Variants in PLA2R1 observed in about 807,000 individuals in gnomAD.
PLA2R1 encodes secretory phospholipase A2 receptor.
A neutral mutation model predicts 195.9 loss-of-function variants in PLA2R1; 158 were observed. That is an observed-to-expected ratio of 0.81 (90% CI 0.71 to 0.92). PLA2R1 has a LOEUF of 0.92. Among genes scored for constraint, PLA2R1 ranks in the 40% least tolerant of loss-of-function variants. PLA2R1 has a pLI of 0.00. For synonymous variants in PLA2R1, 586 were observed against 598.2 expected, an observed-to-expected ratio of 0.98 and a Z score of 0.30; for missense variants, 1,626 against 1,764.6, an observed-to-expected ratio of 0.92 and a Z score of 1.41.
chr2:159,996,985 G>T (rs994058485), intron 11 of PLA2R1, among the ~76,000 whole-genome samples: 57 of 152,198 alleles, frequency 3.7e-4, no homozygotes, highest in African/African-American at 1.3e-3. Context: ...TAGTTTAAAA[G>T]AATTGCTTGT....
Position 160,051,485 on chromosome 2 carries a change from TG to T in PLA2R1, c.110-6329del, listed in dbSNP as rs1695209690. 3.3e-5 allele frequency among the ~76,000 whole-genome samples: 5 copies of T among 152,280 alleles called. No individual in the cohort carries two copies. The South Asian group carries it at 1.0e-3, about 32-fold the overall frequency. On this transcript the variant is annotated intron_variant, in intron 1 of 29. Coordinates refer to ENST00000283243, the MANE Select transcript of PLA2R1 (RefSeq NM_007366.5). ...AGCAGGGATGCAGTCCAGAAGGAAA[TG>T]GGGAGGGCATCTCTCCTCTGTAACC...
chr2:160,031,872 T>G (rs1257468642), intron 4 of PLA2R1, among the ~76,000 whole-genome samples: 1 of 152,230 alleles, frequency 6.6e-6, no homozygotes, highest in Non-Finnish European at 1.5e-5. Context: ...GTTCAAGTGA[T>G]TCTCCTGCCT....
intron 10 of PLA2R1, among the ~76,000 whole-genome samples, chr2:160,012,275 C>T (rs1354869957): frequency 6.6e-6 from 1 of 152,176 alleles, no homozygotes; most frequent in Non-Finnish European, 1.5e-5. Context: ...TGGAGTTCTA[C>T]CCCGCTTCTG....
chr2:159,998,486 G>A (rs923208463), intron 11 of PLA2R1, among the ~76,000 whole-genome samples: 1 of 152,090 alleles, frequency 6.6e-6, no homozygotes, highest in African/African-American at 2.4e-5. Context: ...CTGCAGTGCA[G>A]TCTCTTATAT....
intron 8 of PLA2R1, among the ~76,000 whole-genome samples, chr2:160,017,303 G>A (rs984728573): frequency 2.6e-5 from 4 of 152,116 alleles, no homozygotes; most frequent in Admixed American, 6.5e-5. Context: ...CTTGAGAATT[G>A]GCATTCCTAA....
chr2:159,946,156 A>G (rs945670982), intron 27 of PLA2R1: 2 of 761,744 alleles, frequency 2.6e-6, no homozygotes, highest in African/African-American at 1.9e-5. Context: ...CAATACAGCT[A>G]ACTAAAAGTT....
At chr2:160,060,717 T>C (rs1183366327) in intron 1 of PLA2R1, among the ~76,000 whole-genome samples, 2 of 152,210 alleles carry the variant, frequency 1.3e-5, no homozygotes, top group East Asian at 3.8e-4. Context: ...TTCTGCTACA[T>C]ATAGAAGGGA....
At chr2:160,011,123 C>T (rs1254714838) in intron 10 of PLA2R1, among the ~76,000 whole-genome samples, 1 of 152,212 alleles carries the variant, frequency 6.6e-6, no homozygotes, top group African/African-American at 2.4e-5. Flanking sequence ...ACAACATAGT[C>T]TTGTATCCAG....
Position 159,947,920 on chromosome 2 carries a change from A to G in PLA2R1, c.3710-361T>C, listed in dbSNP as rs182835345. ...GAGTGGCAGCTGACTGATGCTGGTA[A>G]AAGAGATTTCCAAATGTATGCATTT... On this transcript the variant is annotated intron_variant, in intron 25 of 29. Transcript: ENST00000283243. 2.6e-5 allele frequency among the ~76,000 whole-genome samples: 4 copies of G among 152,346 alleles called. No homozygotes were observed. In the East Asian group the frequency reaches 7.7e-4, roughly 29 times the overall value.
At chr2:160,016,759 A>G (rs2667040) in intron 8 of PLA2R1, 47 bp from the exon 9 acceptor site, 650,819 of 869,940 alleles carry the variant, frequency 0.75, 245,651 homozygotes, top group East Asian at 0.87. Context: ...CTGTGCTGAT[A>G]CCGATGGGCA....
At chr2:159,955,140 C>A in intron 23 of PLA2R1, 59 bp downstream of exon 23, 1 of 1,351,756 alleles carries the variant, frequency 7.4e-7, no homozygotes, top group Non-Finnish European at 1.0e-6. Context: ...GTAAAACCAA[C>A]ATGAAAGAGA....
At chr2:160,038,223 T>A (rs761006820) in intron 3 of PLA2R1, among the ~76,000 whole-genome samples, 6 of 152,210 alleles carry the variant, frequency 3.9e-5, no homozygotes, top group Non-Finnish European at 7.4e-5. Flanking sequence ...ATTTTTAAGA[T>A]GTTATTTCAA....
Position 159,987,349 on chromosome 2 carries a change from C to T in PLA2R1, c.1844G>A (p.Gly615Asp), listed in dbSNP as rs764648993. The change falls in exon 12 of 30, where the codon GGT becomes GAT. Residue 615 changes from glycine to aspartate, a missense_variant. Gly to Asp is a moderately conservative substitution (Grantham distance 94). Transcript: ENST00000283243. ...HWNTHQPRYSGGCVAMRGRHP... is the reference protein window; with the variant it reads ...HWNTHQPRYSDGCVAMRGRHP... Reference sequence around the variant, plus strand: ...CCTTCCTCGCATGGCAACACAGCCACCACTGTAGCCTAAAAGCAGAAAACA... The same window carrying T: ...CCTTCCTCGCATGGCAACACAGCCATCACTGTAGCCTAAAAGCAGAAAACA... 8.7e-6 allele frequency: 14 copies of T among 1,610,116 alleles called. No homozygotes were observed. The South Asian group carries it at 1.3e-4, about 15-fold the overall frequency.
chr2:160,000,971 G>A (rs12692581), intron 11 of PLA2R1, among the ~76,000 whole-genome samples: 92,067 of 151,922 alleles, frequency 0.61, 31,942 homozygotes, highest in Non-Finnish European at 0.77. Context: ...GGGAGAGGCA[G>A]TATTTGAAGA....
At chr2:159,925,606 T>A in the PLA2R1 span, among the ~76,000 whole-genome samples, 15 of 151,306 alleles carry the variant, frequency 9.9e-5, no homozygotes, top group Non-Finnish European at 1.8e-4. Context: ...TTTTCTTTAA[T>A]CTTGGAGGCT....
At chr2:160,001,992 A>G (rs1481092185) in intron 11 of PLA2R1, among the ~76,000 whole-genome samples, 1 of 151,354 alleles carries the variant, frequency 6.6e-6, no homozygotes, top group African/African-American at 2.4e-5. Flanking sequence ...AGGTAGCAAA[A>G]GCAGAATATA....
rs1446087777 is a variant in PLA2R1, at chr2:159,934,071, T to G, written c.*7707A>C. On this transcript the variant is annotated 3_prime_UTR_variant, in exon 30 of 30. Coordinates refer to ENST00000283243, the MANE Select transcript of PLA2R1 (RefSeq NM_007366.5). The stretch of plus-strand genomic sequence containing the variant: ...AAGGTGGGGAAAGAGGGAATAAATA[T>G]TCCAAGCATGTATCTTGATAATCAC... 2.0e-5 allele frequency: 3 copies of G among 152,210 alleles called. No homozygotes were observed. The highest frequency in any genetic ancestry group is 4.4e-5 in the Non-Finnish European group (3 of 68,032). 9.4% of individuals were successfully genotyped at this position (152,210 alleles called of 1,614,324 possible).
At chr2:160,026,875 C>T (rs552612714) in intron 6 of PLA2R1, among the ~76,000 whole-genome samples, 1 of 152,208 alleles carries the variant, frequency 6.6e-6, no homozygotes, top group African/African-American at 2.4e-5. Flanking sequence ...TGGCTCACGC[C>T]GTAATCCCAG....
chr2:160,019,816 T>A (rs1016637216), intron 8 of PLA2R1, among the ~76,000 whole-genome samples: 22 of 152,336 alleles, frequency 1.4e-4, no homozygotes, highest in African/African-American at 4.6e-4. Context: ...TGAGAGTTTT[T>A]TTTTAAGTCC....
Sources: gnomAD v4.1 joint callset for allele counts (sites outside exome capture counted in the v4.1 genomes callset) on GRCh38, gnomAD v4.1.1 for gene constraint, MANE v1.5 for transcripts, NCBI Gene and HGNC (gene_info 2026-07-23, HGNC 2026-07-21) for gene names.